TMOD2: variants seen among roughly 807,000 people sequenced by gnomAD.
TMOD2 encodes the protein tropomodulin 2.
A neutral mutation model predicts 39.9 loss-of-function variants in TMOD2; 22 were observed. That is an observed-to-expected ratio of 0.55 (90% CI 0.39 to 0.79). TMOD2 has a LOEUF of 0.79. Among genes scored for constraint, TMOD2 ranks in the 30% least tolerant of loss-of-function variants. The probability of loss-of-function intolerance (pLI) is 0.00; values close to 1 mark genes in which losing one functional copy is unlikely to be tolerated. For missense variants in TMOD2, 386 were observed against 413.3 expected, an observed-to-expected ratio of 0.93 and a Z score of 0.57; for synonymous variants, 123 against 146.1, an observed-to-expected ratio of 0.84 and a Z score of 1.14.
At chr15:51,785,135 G>A (rs112635281) in intron 7 of TMOD2, among the ~76,000 whole-genome samples, 4,831 of 152,226 alleles carry the variant, frequency 0.032, 122 homozygotes, top group Non-Finnish European at 0.05. Context: ...TATTTGGGCC[G>A]GGCGCGGTGG....
intron 8 of TMOD2, among the ~76,000 whole-genome samples, chr15:51,802,891 A>G (rs1170981784): frequency 6.6e-6 from 1 of 152,236 alleles, no homozygotes; most frequent in Non-Finnish European, 1.5e-5. Flanking sequence ...CTGGATGACA[A>G]GAAAGAGAGA....
intron 6 of TMOD2, among the ~76,000 whole-genome samples, chr15:51,781,792 G>C (rs2055931767): frequency 1.4e-5 from 2 of 141,370 alleles, no homozygotes; most frequent in Non-Finnish European, 3.0e-5. Flanking sequence ...CACTCTCAAA[G>C]GGAAAGAGTA....
chr15:51,763,761 A>G (rs1374421057), intron 1 of TMOD2, among the ~76,000 whole-genome samples: 2 of 152,164 alleles, frequency 1.3e-5, no homozygotes, highest in African/African-American at 2.4e-5. Context: ...GGTGCTTTTG[A>G]TATTTAGGTA....
At chr15:51,758,192 G>A (rs2055755704) in intron 1 of TMOD2, among the ~76,000 whole-genome samples, 1 of 151,834 alleles carries the variant, frequency 6.6e-6, no homozygotes, top group South Asian at 2.1e-4. Flanking sequence ...GAGATCCCCT[G>A]GTACATTGAC....
Position 51,773,698 on chromosome 15 carries a change from C to T in TMOD2, c.284-14C>T. On this transcript the variant is annotated splice_polypyrimidine_tract_variant and intron_variant, in intron 3 of 9. Coordinates refer to ENST00000249700, the MANE Select transcript of TMOD2 (RefSeq NM_014548.4). ...AGTAGTACTCAATATTTTTGTTTTT[C>T]TTCTGATTTAAAGGGAGAGTCTTTA... 2 of 1,591,858 alleles carry T rather than the reference C, an allele frequency of 1.3e-6. No homozygotes were observed. Among genetic ancestry groups the T allele is most frequent in the Admixed American group, 3.7e-5 (2 of 53,960 alleles).
intron 8 of TMOD2, among the ~76,000 whole-genome samples, chr15:51,799,589 G>A (rs2056075164): frequency 6.6e-6 from 1 of 152,184 alleles, no homozygotes; most frequent in African/African-American, 2.4e-5. Context: ...CACCAAAACG[G>A]CTTTCCTAGA....
intron 1 of TMOD2, among the ~76,000 whole-genome samples, chr15:51,754,469 AC>A (rs1300184463): frequency 5.3e-5 from 8 of 152,256 alleles, no homozygotes; most frequent in African/African-American, 1.7e-4. Flanking sequence ...CTGTTACCAG[AC>A]CACGAAAACA....
intron 7 of TMOD2, among the ~76,000 whole-genome samples, chr15:51,794,673 T>C (rs902774472): frequency 1.3e-5 from 2 of 152,238 alleles, no homozygotes; most frequent in African/African-American, 4.8e-5. Flanking sequence ...CTGGGGTAAA[T>C]TTTTTAAAGC....
At chr15:51,763,653 C>T (rs887800403) in intron 1 of TMOD2, among the ~76,000 whole-genome samples, 1 of 152,200 alleles carries the variant, frequency 6.6e-6, no homozygotes, top group African/African-American at 2.4e-5. Context: ...GTCACCTCCC[C>T]ACGATTGTCT....
intron 1 of TMOD2, among the ~76,000 whole-genome samples, chr15:51,764,526 TAAAA>T (rs564993330): frequency 1.3e-5 from 2 of 152,202 alleles, no homozygotes; most frequent in East Asian, 3.9e-4. Flanking sequence ...TTTGAACTCA[TAAAA>T]AAAGATTGGC....
chr15:51,758,958 AG>A (rs2055760871), intron 1 of TMOD2, among the ~76,000 whole-genome samples: 1 of 152,256 alleles, frequency 6.6e-6, no homozygotes, highest in African/African-American at 2.4e-5. Flanking sequence ...AGATGACAGA[AG>A]ACAGACTGAA....
chr15:51,807,933 A>G (rs1030426701), intron 9 of TMOD2, among the ~76,000 whole-genome samples: 2 of 152,202 alleles, frequency 1.3e-5, no homozygotes, highest in Non-Finnish European at 2.9e-5. Flanking sequence ...TGCCAAGTGA[A>G]TCACACCTTC....
At chr15:51,783,944 T>A (rs962629037) in intron 7 of TMOD2, 3 of 152,248 alleles carry the variant, frequency 2.0e-5, no homozygotes, top group Non-Finnish European at 4.4e-5. Flanking sequence ...TAACTCCTCC[T>A]ATTTATAGCT....
At chr15:51,778,453 A>T (rs55843525) in intron 5 of TMOD2, among the ~76,000 whole-genome samples, 69,925 of 147,382 alleles carry the variant, frequency 0.47, 16,935 homozygotes, top group Admixed American at 0.54. Context: ...AACTTGCACA[A>T]TGTGCACATG....
At chr15:51,799,737 G>T (rs1429132423) in intron 8 of TMOD2, among the ~76,000 whole-genome samples, 1 of 152,152 alleles carries the variant, frequency 6.6e-6, no homozygotes, top group African/African-American at 2.4e-5. Flanking sequence ...GGGGGAGTAA[G>T]GAAACAAGCC....
intron 3 of TMOD2, among the ~76,000 whole-genome samples, chr15:51,770,593 C>T (rs1311947578): frequency 6.6e-6 from 1 of 152,044 alleles, no homozygotes; most frequent in East Asian, 1.9e-4. Flanking sequence ...CCGAGGCTGC[C>T]CTCTGTATTG....
At chr15:51,752,824 G>A (rs7178166) in intron 1 of TMOD2, 61,540 of 152,042 alleles carry the variant, frequency 0.4, 12,606 homozygotes, top group Middle Eastern at 0.45. Flanking sequence ...TTTTTTTAAA[G>A]ATAAAACTGA....
At position 51,765,352 on chromosome 15, in the gene TMOD2, A is replaced by G. The variant is rs181096548; in HGVS notation, c.-69-1021A>G. Among the ~76,000 whole-genome samples, 35 of 152,256 alleles carry G rather than the reference A, an allele frequency of 2.3e-4. 1 individual carries two copies. In the East Asian group the frequency reaches 6.6e-3, roughly 29 times the overall value. On this transcript the variant is annotated intron_variant, in intron 1 of 9. Coordinates refer to ENST00000249700, the MANE Select transcript of TMOD2 (RefSeq NM_014548.4). ...ATACGTTACGTCTAATACTTATGAC[A>G]TTATTGCTATTTGTGTGCCTGTCTC...
chr15:51,780,735 A>G (rs189597932), intron 5 of TMOD2, among the ~76,000 whole-genome samples: 39 of 152,334 alleles, frequency 2.6e-4, no homozygotes, highest in Admixed American at 1.2e-3. Flanking sequence ...ACAGATGTCC[A>G]TATGGAGCAG....
Sources: gnomAD v4.1 joint callset for allele counts (sites outside exome capture counted in the v4.1 genomes callset) on GRCh38, gnomAD v4.1.1 for gene constraint, MANE v1.5 for transcripts, NCBI Gene and HGNC (gene_info 2026-07-23, HGNC 2026-07-21) for gene names.